The following CACNA1C variants were observed in gnomAD, a reference collection of about 807,000 sequenced individuals.
The protein encoded by CACNA1C is voltage-dependent L-type calcium channel subunit alpha-1C.
In CACNA1C, 30 loss-of-function variants were observed where a neutral mutation model predicts 229.0. The observed-to-expected ratio is 0.13, with a 90% CI of 0.10 to 0.18. The LOEUF is 0.18. Ranked by LOEUF, CACNA1C falls within the 10% of genes least tolerant of loss-of-function variation. The pLI, the probability that CACNA1C is intolerant of heterozygous loss-of-function variation, is 1.00. For missense variants in CACNA1C, 1,658 were observed against 2,845.0 expected (o/e 0.58, Z 9.49); for synonymous variants, 1,114 against 1,132.5 (o/e 0.98, Z 0.33).
chr12:2,035,953 T>C (rs1270028841), intron 1 of CACNA1C, among the ~76,000 whole-genome samples: 1 of 152,208 alleles, frequency 6.6e-6, no homozygotes, highest in East Asian at 1.9e-4. Flanking sequence ...GCTCTTCTGC[T>C]TCAGGGGAGG....
At chr12:2,443,722 C>A (rs1015643097) in intron 3 of CACNA1C, among the ~76,000 whole-genome samples, 4 of 152,174 alleles carry the variant, frequency 2.6e-5, no homozygotes, top group Admixed American at 2.6e-4. Flanking sequence ...ATTCAAGGAA[C>A]CAGAGGCACG....
At chr12:2,294,716 T>C (rs1236117129) in intron 3 of CACNA1C, among the ~76,000 whole-genome samples, 1 of 152,170 alleles carries the variant, frequency 6.6e-6, no homozygotes, top group East Asian at 1.9e-4. Context: ...AGTTAATATG[T>C]AACATGTCGC....
At chr12:2,401,977 C>T (rs1033981413) in intron 3 of CACNA1C, among the ~76,000 whole-genome samples, 6 of 152,226 alleles carry the variant, frequency 3.9e-5, no homozygotes, top group African/African-American at 1.4e-4. Flanking sequence ...GGATGAGGAC[C>T]TCATTCTTTA....
At chr12:2,374,056 C>T (rs773548069) in intron 3 of CACNA1C, among the ~76,000 whole-genome samples, 8 of 152,224 alleles carry the variant, frequency 5.3e-5, no homozygotes, top group Admixed American at 1.3e-4. Context: ...ATCACAACTC[C>T]GCTAGCCAGG....
At chr12:2,190,836 C>G (rs1246866609) in intron 3 of CACNA1C, among the ~76,000 whole-genome samples, 4 of 151,960 alleles carry the variant, frequency 2.6e-5, no homozygotes, top group Non-Finnish European at 5.9e-5. Context: ...CAGAATACTT[C>G]TGCCGACAGG....
intron 3 of CACNA1C, among the ~76,000 whole-genome samples, chr12:2,193,925 C>T (rs2154302703): frequency 6.6e-6 from 1 of 152,312 alleles, no homozygotes; most frequent in Non-Finnish European, 1.5e-5. Flanking sequence ...TACTTATCTT[C>T]CTTGAGGTTA....
At chr12:2,276,504 A>G (rs1263878484) in intron 3 of CACNA1C, among the ~76,000 whole-genome samples, 1 of 152,192 alleles carries the variant, frequency 6.6e-6, no homozygotes, top group Non-Finnish European at 1.5e-5. Context: ...TTCAGAGCTG[A>G]CCTGTTCAGC....
intron 32 of CACNA1C, among the ~76,000 whole-genome samples, chr12:2,652,123 G>A (rs1180799484): frequency 1.3e-5 from 2 of 152,242 alleles, no homozygotes; most frequent in African/African-American, 4.8e-5. Flanking sequence ...ACACGGGCCT[G>A]GACAACCTGG....
intron 3 of CACNA1C, among the ~76,000 whole-genome samples, chr12:2,187,755 A>G (rs1285253482): frequency 6.6e-6 from 1 of 152,174 alleles, no homozygotes; most frequent in East Asian, 1.9e-4. Context: ...TCCTCCGGAG[A>G]AAGATTACTA....
chr12:2,640,896 C>G (rs768392194), intron 30 of CACNA1C, among the ~76,000 whole-genome samples: 4 of 152,234 alleles, frequency 2.6e-5, no homozygotes, highest in African/African-American at 7.2e-5. Context: ...ACGTCCACCC[C>G]CTCAGGGGTG....
chr12:2,593,480 C>A, intron 19 of CACNA1C, 135 bp downstream of exon 19: 1 of 782,986 alleles, frequency 1.3e-6, no homozygotes, highest in Non-Finnish European at 1.9e-6. Context: ...AACAGGCACT[C>A]ATTTAGGGAA....
At chr12:2,450,488 A>C (rs2099356190) in intron 4 of CACNA1C, among the ~76,000 whole-genome samples, 2 of 130,366 alleles carry the variant, frequency 1.5e-5, no homozygotes, top group South Asian at 5.3e-4. Context: ...CGGGAGGCGG[A>C]GCTTACAGTG....
intron 3 of CACNA1C, among the ~76,000 whole-genome samples, chr12:2,121,229 G>A (rs1462898105): frequency 2.6e-5 from 4 of 152,162 alleles, no homozygotes; most frequent in Non-Finnish European, 5.9e-5. Flanking sequence ...TCCACATGGC[G>A]TGTTTGGTCA....
At chr12:2,076,250 C>T (rs1201215754) in intron 1 of CACNA1C, among the ~76,000 whole-genome samples, 1 of 152,232 alleles carries the variant, frequency 6.6e-6, no homozygotes, top group Non-Finnish European at 1.5e-5. Flanking sequence ...AACCCACCCG[C>T]AGACGTAACC....
intron 3 of CACNA1C, among the ~76,000 whole-genome samples, chr12:2,174,961 A>C (rs2096603739): frequency 6.6e-6 from 1 of 152,102 alleles, no homozygotes; most frequent in Non-Finnish European, 1.5e-5. Context: ...AGAAGTAGGA[A>C]GAGGAGGAGG....
chr12:2,225,898 T>C (rs2062821648), intron 3 of CACNA1C, among the ~76,000 whole-genome samples: 1 of 152,132 alleles, frequency 6.6e-6, no homozygotes, highest in African/African-American at 2.4e-5. Flanking sequence ...ACAAATGTAA[T>C]CACTGAGCTG....
At chr12:2,542,711 G>A (rs925582405) in intron 9 of CACNA1C, among the ~76,000 whole-genome samples, 1 of 152,152 alleles carries the variant, frequency 6.6e-6, no homozygotes, top group African/African-American at 2.4e-5. Context: ...CTCCCCAGTA[G>A]TCACACACCA....
chr12:2,641,017 G>A (rs988251579), intron 30 of CACNA1C, among the ~76,000 whole-genome samples: 2 of 152,194 alleles, frequency 1.3e-5, no homozygotes, highest in Admixed American at 6.5e-5. Flanking sequence ...CTGTAACCAC[G>A]CCTCCTGCCC....
At chr12:2,561,946 A>G (rs148397888) in intron 11 of CACNA1C, among the ~76,000 whole-genome samples, 1 of 152,346 alleles carries the variant, frequency 6.6e-6, no homozygotes, top group East Asian at 1.9e-4. Flanking sequence ...ACATTCTAAT[A>G]AACCATTACA....
Sources: gnomAD v4.1 joint callset for allele counts (sites outside exome capture counted in the v4.1 genomes callset) on GRCh38, gnomAD v4.1.1 for gene constraint, MANE v1.5 for transcripts, NCBI Gene and HGNC (gene_info 2026-07-23, HGNC 2026-07-21) for gene names.